Variants in GMPR observed in about 807,000 individuals in gnomAD.
GMPR encodes GMP reductase 1.
GMPR carries 31 observed loss-of-function variants against 38.4 expected under a neutral mutation model. The observed-to-expected ratio is 0.81, with a 90% CI of 0.61 to 1.09. The LOEUF (loss-of-function observed/expected upper bound fraction) is 1.09, where lower values mean the gene tolerates loss of function less well. GMPR is among the 50% of genes least tolerant of loss of function. GMPR has a pLI of 0.00. For missense variants in GMPR, 468 were observed against 453.7 expected (o/e 1.03, Z -0.29); for synonymous variants, 162 against 173.3 (o/e 0.93, Z 0.51).
chr6:16,295,318 T>G lies in GMPR; in HGVS notation c.*132T>G, dbSNP rs1759916729. ...GGAATGCTGTGTCCTCTCTTCTGTC[T>G]CCTGCTGCCTGGAGGCTTCGGGGCT... is the stretch of plus-strand genomic sequence containing the variant. On this transcript the variant is annotated 3_prime_UTR_variant, in exon 9 of 9. Coordinates refer to ENST00000259727, the MANE Select transcript of GMPR (RefSeq NM_006877.4). 2 of 687,238 alleles carry G rather than the reference T, an allele frequency of 2.9e-6. No homozygotes were observed. The highest frequency in any genetic ancestry group is 6.8e-5 in the East Asian group (2 of 29,546). 42.6% of individuals were successfully genotyped at this position (687,238 alleles called of 1,614,324 possible).
intron 7 of GMPR, 44 bp from the exon 8 acceptor site, chr6:16,290,418 T>A: frequency 1.3e-6 from 2 of 1,584,152 alleles, no homozygotes; most frequent in Non-Finnish European, 1.7e-6. Flanking sequence ...TCCCCTGAGC[T>A]GTTTTCTCTG....
intron 4 of GMPR, chr6:16,259,083 G>T (rs1332089671): frequency 6.6e-6 from 1 of 152,136 alleles, no homozygotes; most frequent in Non-Finnish European, 1.5e-5. Flanking sequence ...TTTCACCTGG[G>T]TGCAGGCGGG....
At chr6:16,273,811 A>ATT (rs772416416) in intron 4 of GMPR, among the ~76,000 whole-genome samples, 1,732 of 112,782 alleles carry the variant, frequency 0.015, 79 homozygotes, top group African/African-American at 0.05. Context: ...TCCCTCTAAG[A>ATT]TTTTTTTTTT....
At chr6:16,239,441 G>T (rs1047556353) in intron 1 of GMPR, among the ~76,000 whole-genome samples, 2 of 152,204 alleles carry the variant, frequency 1.3e-5, no homozygotes, top group African/African-American at 4.8e-5. Context: ...GGTTCTGCCT[G>T]GATGTCCTCA....
intron 4 of GMPR, among the ~76,000 whole-genome samples, chr6:16,269,099 G>C: frequency 6.6e-6 from 1 of 151,834 alleles, no homozygotes; most frequent in East Asian, 1.9e-4. Context: ...AAACTAAAAA[G>C]AATGGGTAAA....
At chr6:16,259,475 A>C (rs970768057) in intron 4 of GMPR, 19 of 151,928 alleles carry the variant, frequency 1.3e-4, no homozygotes, top group African/African-American at 4.6e-4. Context: ...AATAGTGGTA[A>C]AGTGTTGGGA....
intron 8 of GMPR, among the ~76,000 whole-genome samples, chr6:16,292,636 A>G (rs778368667): frequency 2.6e-5 from 4 of 152,164 alleles, no homozygotes; most frequent in African/African-American, 4.8e-5. Context: ...GTCATCATCC[A>G]AGGGCCTGCA....
At chr6:16,254,940 C>T (rs865794387) in intron 4 of GMPR, among the ~76,000 whole-genome samples, 6 of 152,056 alleles carry the variant, frequency 3.9e-5, no homozygotes, top group South Asian at 2.1e-4. Context: ...AATAAAATCC[C>T]CATCAACTTC....
chr6:16,267,172 G>C (rs1759266159), intron 4 of GMPR, among the ~76,000 whole-genome samples: 1 of 152,084 alleles, frequency 6.6e-6, no homozygotes, highest in Non-Finnish European at 1.5e-5. Context: ...GACCATCCTG[G>C]CTAACACGGT....
At chr6:16,273,964 C>A (rs184323733) in intron 4 of GMPR, among the ~76,000 whole-genome samples, 3 of 152,084 alleles carry the variant, frequency 2.0e-5, no homozygotes, top group Non-Finnish European at 2.9e-5. Context: ...TACAGGCATG[C>A]GCCACCAGGC....
intron 7 of GMPR, 97 bp downstream of exon 7, chr6:16,285,932 T>TG: frequency 5.7e-6 from 6 of 1,052,028 alleles, no homozygotes; most frequent in South Asian, 1.3e-5. Context: ...GGGGACCTGG[T>TG]GGGGAAGTTC....
At chr6:16,264,726 C>T (rs1488151461) in intron 4 of GMPR, among the ~76,000 whole-genome samples, 1 of 151,990 alleles carries the variant, frequency 6.6e-6, no homozygotes, top group South Asian at 2.1e-4. Context: ...CAGGATGAGC[C>T]AGGAGAAGGA....
In GMPR at chr6:16,238,790, G is replaced by A. The variant is rs1448588542; in HGVS notation, c.87+10G>A. 2.8e-6 allele frequency: 4 copies of A among 1,428,540 alleles called. No homozygotes were observed. The highest frequency in any genetic ancestry group is 2.9e-5 in the African/African-American group (2 of 69,132). 88.5% of individuals were successfully genotyped at this position (1,428,540 alleles called of 1,614,324 possible). A position where few individuals can be genotyped will look rare whatever the true frequency, so the allele number is the denominator to read the frequency against. ...CAAGAGCCGAGCCGAGGTGGGGGAC[G>A]TTCGGAAGTCGCAGTGGGGTGGGAT... On this transcript the variant is annotated intron_variant, in intron 1 of 8. Transcript: ENST00000259727.
At chr6:16,255,457 A>G (rs1173324757) in intron 4 of GMPR, among the ~76,000 whole-genome samples, 2 of 152,180 alleles carry the variant, frequency 1.3e-5, no homozygotes, top group African/African-American at 2.4e-5. Context: ...TGCTGTAGGA[A>G]TTGGGAGTCT....
Position 16,278,846 on chromosome 6 carries a change from G to A in GMPR, c.610G>A (p.Glu204Lys), listed in dbSNP as rs758073894. 1 of 1,614,072 alleles carries A rather than the reference G, an allele frequency of 6.2e-7. No individual in the cohort carries two copies. Among genetic ancestry groups the A allele is most frequent in the Admixed American group, 1.7e-5 (1 of 60,018 alleles). The change falls in exon 6 of 9, where the codon GAG (glutamate) becomes AAG (lysine). Residue 204 changes from glutamate (E) to lysine (K), a missense_variant. By Grantham distance (56) the Glu-to-Lys change is moderately conservative. Transcript: ENST00000259727. ...GTACCCCCAGCTGAGTGCCGTCATT[G>A]AGTGTGCCGACTCTGCCCATGGCCT... ...VGYPQLSAVI[E>K]CADSAHGLKG...
chr6:16,266,492 C>A (rs777906282), intron 4 of GMPR, among the ~76,000 whole-genome samples: 1 of 69,398 alleles, frequency 1.4e-5, no homozygotes, highest in East Asian at 4.8e-4. Context: ...GTGGCACGTC[C>A]GACGTGCCAC....
rs556219057 is a variant in GMPR at position 16,277,605 on chromosome 6, G to A, written c.548-1179G>A. 9.2e-5 allele frequency among the ~76,000 whole-genome samples: 14 copies of A among 152,290 alleles called. No homozygotes were observed. In the East Asian group the frequency reaches 1.9e-3, roughly 21 times the overall value. ...CTATTTATAGTGCCTTATTGTATATGAGGCTCTGTTCTCAGCACCTGATAA... is the reference window on the plus strand; with the variant it reads ...CTATTTATAGTGCCTTATTGTATATAAGGCTCTGTTCTCAGCACCTGATAA... On this transcript the variant is annotated intron_variant, in intron 5 of 8. Coordinates refer to ENST00000259727, the MANE Select transcript of GMPR (RefSeq NM_006877.4).
intron 4 of GMPR, among the ~76,000 whole-genome samples, chr6:16,266,181 TGCCATCTTTAAGAGCTGTAACACTC>T (rs1262817466): frequency 2.6e-4 from 6 of 22,684 alleles, no homozygotes; most frequent in Middle Eastern, 0.026. Context: ...CTGTAACACT[TGCCATCTTTAAGAGCTGTAACACTC>T]GCTGCGAAGA....
intron 4 of GMPR, among the ~76,000 whole-genome samples, chr6:16,273,634 A>G (rs1246787149): frequency 6.6e-6 from 1 of 152,118 alleles, no homozygotes; most frequent in African/African-American, 2.4e-5. Context: ...CCAGCCCTAG[A>G]GAGTGGGGCA....
Sources: allele counts gnomAD v4.1 joint callset (sites outside exome capture counted in the v4.1 genomes callset), GRCh38; gene constraint gnomAD v4.1.1; transcripts MANE v1.5; gene names NCBI Gene and HGNC (gene_info 2026-07-23, HGNC 2026-07-21).